Variants in TIAM2 observed in about 807,000 individuals in gnomAD.
TIAM2 encodes the protein rho guanine nucleotide exchange factor TIAM2.
In TIAM2, 80 loss-of-function variants were observed where a neutral mutation model predicts 152.9. That is an observed-to-expected ratio of 0.52 (90% confidence interval 0.44 to 0.63). TIAM2 has a LOEUF of 0.63. Among genes scored for constraint, TIAM2 ranks in the 30% least tolerant of loss-of-function variants. TIAM2 has a pLI of 0.00. For missense variants in TIAM2, 1,965 were observed against 2,120.1 expected (o/e 0.93, Z 1.44); for synonymous variants, 804 against 838.0 (o/e 0.96, Z 0.70).
At chr6:155,057,538 G>A (rs899511722) in intron 1 of TIAM2, among the ~76,000 whole-genome samples, 2 of 97,646 alleles carry the variant, frequency 2.0e-5, no homozygotes, top group African/African-American at 8.6e-5. Flanking sequence ...TTTCCATAAT[G>A]TACTTTTTTT....
At chr6:155,145,279 A>C (rs1426651332) in intron 6 of TIAM2, among the ~76,000 whole-genome samples, 1 of 152,102 alleles carries the variant, frequency 6.6e-6, no homozygotes, top group Non-Finnish European at 1.5e-5. Flanking sequence ...CAGGTTATCT[A>C]CTGTTAGAAT....
intron 15 of TIAM2, among the ~76,000 whole-genome samples, chr6:155,236,291 C>T (rs181974696): frequency 1.3e-3 from 193 of 151,886 alleles, no homozygotes; most frequent in Admixed American, 6.6e-4. Flanking sequence ...CCAAGCAGAA[C>T]GCGAGCTGTA....
chr6:155,069,438 T>G (rs1330482890), intron 1 of TIAM2, among the ~76,000 whole-genome samples: 1 of 143,140 alleles, frequency 7.0e-6, no homozygotes, highest in Non-Finnish European at 1.6e-5. Context: ...TGATTCAAGC[T>G]GAATGAAAGA....
intron 1 of TIAM2, among the ~76,000 whole-genome samples, chr6:155,025,191 T>C (rs1341293117): frequency 1.4e-5 from 2 of 141,740 alleles, no homozygotes; most frequent in Non-Finnish European, 3.1e-5. Context: ...GGCTAATTTT[T>C]GTATTTTTTT....
At chr6:155,117,568 G>A (rs7748132) in intron 2 of TIAM2, among the ~76,000 whole-genome samples, 62,578 of 151,994 alleles carry the variant, frequency 0.41, 15,114 homozygotes, top group African/African-American at 0.66. Context: ...TCAGCCTCCC[G>A]AGTAGCTGGA....
intron 1 of TIAM2, among the ~76,000 whole-genome samples, chr6:155,016,663 C>T (rs1465905750): frequency 6.8e-6 from 1 of 148,042 alleles, no homozygotes; most frequent in Non-Finnish European, 1.5e-5. Context: ...CTTTAGGAGG[C>T]CAAGGCGGGT....
chr6:155,086,095 C>T (rs1778165995), intron 1 of TIAM2, among the ~76,000 whole-genome samples: 1 of 152,196 alleles, frequency 6.6e-6, no homozygotes, highest in Non-Finnish European at 1.5e-5. Flanking sequence ...TGCTGGATTG[C>T]AGTCCAGCTC....
At chr6:155,201,883 C>T (rs1212218093) in intron 14 of TIAM2, among the ~76,000 whole-genome samples, 2 of 152,208 alleles carry the variant, frequency 1.3e-5, no homozygotes, top group Non-Finnish European at 2.9e-5. Context: ...AAAACATCAC[C>T]AATTGGAATG....
intron 9 of TIAM2, among the ~76,000 whole-genome samples, chr6:155,168,020 G>A (rs1164585165): frequency 6.6e-6 from 1 of 152,132 alleles, no homozygotes; most frequent in Non-Finnish European, 1.5e-5. Context: ...AAAGCATTTG[G>A]TCGAACATTT....
intron 2 of TIAM2, among the ~76,000 whole-genome samples, chr6:155,116,666 G>T (rs55967512): frequency 1.3e-5 from 2 of 152,112 alleles, no homozygotes; most frequent in Non-Finnish European, 2.9e-5. Context: ...TTACATCCAT[G>T]CAGGTTTCCA....
intron 1 of TIAM2, among the ~76,000 whole-genome samples, chr6:155,010,525 G>T (rs531936448): frequency 6.6e-6 from 1 of 152,002 alleles, no homozygotes; most frequent in Non-Finnish European, 1.5e-5. Context: ...GCACGATCTC[G>T]GCTCACTGCA....
At position 155,245,728 on chromosome 6, in the gene TIAM2, C is replaced by T. The variant is rs755512210; in HGVS notation, c.3649C>T (p.Arg1217Ter). 10 of 1,506,916 alleles carry T rather than the reference C, an allele frequency of 6.6e-6. No individual in the cohort carries two copies. The highest frequency in any genetic ancestry group is 4.3e-5 in the African/African-American group (3 of 70,560). 93.3% of individuals were successfully genotyped at this position (1,506,916 alleles called of 1,614,324 possible). A position where few individuals can be genotyped will look rare whatever the true frequency, so the allele number is the denominator to read the frequency against. ...TATCAAAGTACAGAAGGTTCTGGAG[C>T]GAGGTAAGTTGCTTATGCCTTTTAT... Reference protein sequence around the residue: ...NHIKVQKVLERAKTDKAFKAF... With the variant: ...NHIKVQKVLE Residue 1217 changes from arginine to a stop codon, truncating the protein, a stop_gained, in exon 19 of 27, where the codon CGA (arginine) becomes TGA (stop). Coordinates refer to ENST00000682666, the MANE Select transcript of TIAM2 (RefSeq NM_012454.4). LOFTEE classifies it high-confidence loss of function.
intron 1 of TIAM2, among the ~76,000 whole-genome samples, chr6:155,078,371 A>C (rs1260243284): frequency 6.6e-6 from 1 of 152,192 alleles, no homozygotes; most frequent in Non-Finnish European, 1.5e-5. Context: ...TGAAAAAAGC[A>C]CAAGTGACAG....
chr6:155,036,355 A>C (rs891767417), intron 1 of TIAM2, among the ~76,000 whole-genome samples: 5 of 151,824 alleles, frequency 3.3e-5, no homozygotes, highest in African/African-American at 1.2e-4. Flanking sequence ...CAATATGGTA[A>C]ACCCTGTCTC....
chr6:155,119,838 A>G (rs554945242), intron 2 of TIAM2, among the ~76,000 whole-genome samples: 1 of 152,340 alleles, frequency 6.6e-6, no homozygotes, highest in Admixed American at 6.5e-5. Flanking sequence ...ACAAGCACAC[A>G]CAAGAATTTA....
chr6:155,243,249 T>G (rs1014858461), intron 16 of TIAM2, among the ~76,000 whole-genome samples: 1 of 152,124 alleles, frequency 6.6e-6, no homozygotes, highest in Non-Finnish European at 1.5e-5. Context: ...ACCCCAAAGT[T>G]GAAGGGCTCC....
chr6:155,048,968 T>G (rs1176629164), intron 1 of TIAM2, among the ~76,000 whole-genome samples: 1 of 152,022 alleles, frequency 6.6e-6, no homozygotes, highest in Non-Finnish European at 1.5e-5. Flanking sequence ...GCACCTATAA[T>G]TTTTGTATTT....
intron 2 of TIAM2, among the ~76,000 whole-genome samples, chr6:155,097,501 C>A (rs1456568257): frequency 6.6e-6 from 1 of 152,134 alleles, no homozygotes; most frequent in Non-Finnish European, 1.5e-5. Context: ...ACCATCATAG[C>A]TAGCCACTTT....
intron 12 of TIAM2, among the ~76,000 whole-genome samples, chr6:155,180,274 G>A (rs1354556575): frequency 6.6e-6 from 1 of 152,122 alleles, no homozygotes; most frequent in Non-Finnish European, 1.5e-5. Context: ...CGACAAGAGC[G>A]AAACTCCGTC....
Sources: allele counts gnomAD v4.1 joint callset (sites outside exome capture counted in the v4.1 genomes callset), GRCh38; gene constraint gnomAD v4.1.1; transcripts MANE v1.5; gene names NCBI Gene and HGNC (gene_info 2026-07-23, HGNC 2026-07-21).